The following GATAD2B variants were observed in gnomAD, a reference collection of about 807,000 sequenced individuals.
The protein encoded by GATAD2B is GATA zinc finger domain containing 2B.
A neutral mutation model predicts 64.3 loss-of-function variants in GATAD2B; 8 were observed. The observed-to-expected ratio is 0.12, with a 90% CI of 0.07 to 0.22. The LOEUF (loss-of-function observed/expected upper bound fraction) is 0.22, where lower values mean the gene tolerates loss of function less well. GATAD2B is among the 10% of genes least tolerant of loss of function. The probability of loss-of-function intolerance (pLI) is 1.00; values close to 1 mark genes in which losing one functional copy is unlikely to be tolerated. For synonymous variants in GATAD2B, 281 were observed against 271.3 expected, an observed-to-expected ratio of 1.04 and a Z score of -0.35; for missense variants, 453 against 752.0, an observed-to-expected ratio of 0.60 and a Z score of 4.65.
At chr1:153,920,176 T>C (rs1678386528) in intron 1 of GATAD2B, among the ~76,000 whole-genome samples, 1 of 152,254 alleles carries the variant, frequency 6.6e-6, no homozygotes, top group Non-Finnish European at 1.5e-5. Flanking sequence ...ATCAGTAAAT[T>C]GAAACAGGAG....
At chr1:153,895,160 A>AAAAC (rs1182653852) in intron 1 of GATAD2B, among the ~76,000 whole-genome samples, 4 of 151,942 alleles carry the variant, frequency 2.6e-5, no homozygotes, top group South Asian at 2.1e-4. Context: ...CTCCGTCTCA[A>AAAAC]AAACAAACAA....
intron 1 of GATAD2B, among the ~76,000 whole-genome samples, chr1:153,847,125 C>G (rs1437098101): frequency 2.6e-5 from 4 of 151,996 alleles, no homozygotes; most frequent in Non-Finnish European, 4.4e-5. Context: ...CACCACCACA[C>G]CTGGCTAGTT....
At chr1:153,839,923 G>T (rs1363417477) in intron 1 of GATAD2B, among the ~76,000 whole-genome samples, 1 of 151,806 alleles carries the variant, frequency 6.6e-6, no homozygotes, top group African/African-American at 2.4e-5. Flanking sequence ...GCAGTGAGCT[G>T]AGATCATGCC....
intron 1 of GATAD2B, among the ~76,000 whole-genome samples, chr1:153,837,184 CTAGAGA>C (rs746020638): frequency 2.6e-4 from 39 of 152,010 alleles, no homozygotes; most frequent in Non-Finnish European, 4.0e-4. Flanking sequence ...TATGAGGTAC[CTAGAGA>C]TAGAAAGTAT....
chr1:153,820,638 T>C (rs1457420891), intron 2 of GATAD2B, among the ~76,000 whole-genome samples: 3 of 152,156 alleles, frequency 2.0e-5, no homozygotes, highest in Non-Finnish European at 1.5e-5. Flanking sequence ...TCCTTTTTTT[T>C]TTCCCTCTTG....
intron 1 of GATAD2B, among the ~76,000 whole-genome samples, chr1:153,856,319 A>G (rs1161087168): frequency 6.6e-6 from 1 of 152,204 alleles, no homozygotes; most frequent in Non-Finnish European, 1.5e-5. Flanking sequence ...GAGAAGGGGC[A>G]TTATTTTGCC....
At chr1:153,817,271 G>T in intron 6 of GATAD2B, 101 bp downstream of exon 6, 2 of 1,133,530 alleles carry the variant, frequency 1.8e-6, no homozygotes, top group Non-Finnish European at 2.5e-6. Flanking sequence ...TTGTCCTAGA[G>T]TTTATCTATG....
At chr1:153,852,813 T>A in intron 1 of GATAD2B, 1 of 892,650 alleles carries the variant, frequency 1.1e-6, no homozygotes, top group South Asian at 1.4e-5. Flanking sequence ...ATCCTTCAAC[T>A]TTTTTTGCTT....
intron 7 of GATAD2B, among the ~76,000 whole-genome samples, chr1:153,815,280 C>CAAAAACAAA (rs1674429304): frequency 1.5e-5 from 1 of 66,630 alleles, no homozygotes; most frequent in Non-Finnish European, 2.7e-5. Flanking sequence ...CTCAAAAAAA[C>CAAAAACAAA]AAAAAAAAAA....
intron 1 of GATAD2B, chr1:153,853,498 G>A (rs1426824423): frequency 8.0e-6 from 3 of 374,682 alleles, no homozygotes; most frequent in Non-Finnish European, 9.9e-6. Flanking sequence ...TGAGTTGTAT[G>A]AGTTCCTTAC....
At chr1:153,888,506 A>G (rs542234862) in intron 1 of GATAD2B, among the ~76,000 whole-genome samples, 1 of 152,264 alleles carries the variant, frequency 6.6e-6, no homozygotes, top group South Asian at 2.1e-4. Context: ...GATTATTTTC[A>G]TTCACTCCGA....
chr1:153,837,467 G>A (rs1048803684), intron 1 of GATAD2B, among the ~76,000 whole-genome samples: 2 of 152,018 alleles, frequency 1.3e-5, no homozygotes, highest in Non-Finnish European at 2.9e-5. Flanking sequence ...GAGTCTCTGG[G>A]ATGAAGAAAA....
intron 1 of GATAD2B, among the ~76,000 whole-genome samples, chr1:153,854,495 CAT>C (rs1676014424): frequency 6.6e-6 from 1 of 152,174 alleles, no homozygotes; most frequent in South Asian, 2.1e-4. Flanking sequence ...AAGTAACATG[CAT>C]ACTGCTCATT....
intron 1 of GATAD2B, among the ~76,000 whole-genome samples, chr1:153,918,992 G>A (rs1165668312): frequency 6.6e-6 from 1 of 151,988 alleles, no homozygotes; most frequent in Admixed American, 6.6e-5. Context: ...GAACTAGCCA[G>A]GTGTGAAAAA....
At chr1:153,833,276 A>G (rs147898236) in intron 1 of GATAD2B, among the ~76,000 whole-genome samples, 28 of 152,310 alleles carry the variant, frequency 1.8e-4, no homozygotes, top group East Asian at 1.3e-3. Context: ...TCAATGGAAC[A>G]ACGACGTCTG....
intron 1 of GATAD2B, among the ~76,000 whole-genome samples, chr1:153,895,443 G>T (rs1253982405): frequency 6.6e-6 from 1 of 152,010 alleles, no homozygotes; most frequent in East Asian, 1.9e-4. Flanking sequence ...AACCAGTCGT[G>T]GTGGCACATG....
At chr1:153,879,762 CAAAAAA>C (rs71093298) in intron 1 of GATAD2B, among the ~76,000 whole-genome samples, 2 of 80,952 alleles carry the variant, frequency 2.5e-5, no homozygotes, top group South Asian at 3.9e-4. Context: ...ACACTGTCTA[CAAAAAA>C]AAAAAAAAAA....
chr1:153,852,437 T>C (rs1299109869), intron 1 of GATAD2B: 3 of 765,122 alleles, frequency 3.9e-6, no homozygotes, highest in African/African-American at 3.4e-5. Context: ...GGCCGTGGCA[T>C]GTGGTCTGGA....
At chr1:153,883,042 G>A (rs971208090) in intron 1 of GATAD2B, among the ~76,000 whole-genome samples, 1 of 152,148 alleles carries the variant, frequency 6.6e-6, no homozygotes, top group Admixed American at 6.6e-5. Context: ...TAACAAGGGG[G>A]GAGGGATTTT....
Sources: gnomAD v4.1 joint callset for allele counts (sites outside exome capture counted in the v4.1 genomes callset) on GRCh38, gnomAD v4.1.1 for gene constraint, MANE v1.5 for transcripts, NCBI Gene and HGNC (gene_info 2026-07-23, HGNC 2026-07-21) for gene names.